Variants in MKLN1 observed in about 807,000 individuals in gnomAD.
MKLN1 encodes muskelin.
Under a neutral mutation model 99.0 loss-of-function variants are expected in MKLN1, and 18 were observed. That is an observed-to-expected ratio of 0.18 (90% CI 0.13 to 0.27). The LOEUF is 0.27. Ranked by LOEUF, MKLN1 falls within the 10% of genes least tolerant of loss-of-function variation. The pLI, the probability that MKLN1 is intolerant of heterozygous loss-of-function variation, is 1.00. For synonymous variants in MKLN1, 288 were observed against 293.2 expected, an observed-to-expected ratio of 0.98 and a Z score of 0.18; for missense variants, 621 against 875.9, an observed-to-expected ratio of 0.71 and a Z score of 3.67.
intron 1 of MKLN1, among the ~76,000 whole-genome samples, chr7:131,336,792 C>CT (rs932898098): frequency 5.3e-5 from 8 of 152,226 alleles, no homozygotes; most frequent in African/African-American, 1.9e-4. Flanking sequence ...AATCCAGAGA[C>CT]TGTTGTTTTG....
intron 9 of MKLN1, among the ~76,000 whole-genome samples, chr7:131,432,143 A>G (rs897499623): frequency 1.3e-5 from 2 of 152,188 alleles, no homozygotes; most frequent in African/African-American, 4.8e-5. Flanking sequence ...TTTAAAATGT[A>G]TGTATTTTAA....
chr7:131,304,738 C>G (rs1440310015), intron 3 of MKLN1, among the ~76,000 whole-genome samples: 2 of 152,098 alleles, frequency 1.3e-5, no homozygotes, highest in African/African-American at 4.8e-5. Flanking sequence ...TTGTTTTAAC[C>G]AATCACATAG....
intron 2 of MKLN1, among the ~76,000 whole-genome samples, chr7:131,161,044 A>G (rs962513100): frequency 6.6e-6 from 1 of 152,152 alleles, no homozygotes; most frequent in African/African-American, 2.4e-5. Flanking sequence ...CAGAACCCCC[A>G]CGGAGGCCAC....
intron 8 of MKLN1, among the ~76,000 whole-genome samples, chr7:131,426,760 A>AAAAAAAAAAAG: frequency 6.7e-6 from 1 of 149,856 alleles, no homozygotes; most frequent in Non-Finnish European, 1.5e-5. Context: ...TTTTCATGTA[A>AAAAAAAAAAAG]CTTTTTTTTT....
At chr7:131,448,097 G>A (rs71548781) in intron 12 of MKLN1, among the ~76,000 whole-genome samples, 50,799 of 151,900 alleles carry the variant, frequency 0.33, 9,078 homozygotes, top group East Asian at 0.48. Flanking sequence ...GCGTGGTGGC[G>A]GGCGCCTGTA....
chr7:131,330,431 T>C lies in MKLN1; in HGVS notation c.98+2434T>C, dbSNP rs201747166. On this transcript the variant is annotated intron_variant, in intron 1 of 17. Transcript: ENST00000352689. The stretch of plus-strand genomic sequence containing the variant: ...ATTTGCTAGGCTCTCTTATGAACAT[T>C]TTTAAGTGTATCAACTCATTTAATC... Among the ~76,000 whole-genome samples, 43 of 152,328 alleles carry C rather than the reference T, an allele frequency of 2.8e-4. No homozygotes were observed. The East Asian group carries it at 6.4e-3, about 23-fold the overall frequency.
intron 17 of MKLN1, among the ~76,000 whole-genome samples, chr7:131,479,622 C>T (rs1249676520): frequency 1.3e-5 from 2 of 150,748 alleles, no homozygotes; most frequent in East Asian, 2.0e-4. Context: ...GTCAGGAGAT[C>T]GAGACCATCC....
At chr7:131,475,207 A>T (rs1425630363) in intron 16 of MKLN1, among the ~76,000 whole-genome samples, 1 of 152,214 alleles carries the variant, frequency 6.6e-6, no homozygotes. Context: ...ATATATTAAA[A>T]GTAAAGTGGG....
chr7:131,400,818 A>T (rs1020061981), intron 6 of MKLN1, among the ~76,000 whole-genome samples: 1 of 152,084 alleles, frequency 6.6e-6, no homozygotes, highest in Non-Finnish European at 1.5e-5. Flanking sequence ...GACTTAACTT[A>T]TCCTTTGGCT....
intron 2 of MKLN1, among the ~76,000 whole-genome samples, chr7:131,386,637 A>G (rs1237597265): frequency 6.6e-6 from 1 of 152,214 alleles, no homozygotes; most frequent in Non-Finnish European, 1.5e-5. Flanking sequence ...TATCTAGAGT[A>G]GATTTGGGTT....
At chr7:131,334,588 A>G (rs1172197977) in intron 1 of MKLN1, among the ~76,000 whole-genome samples, 1 of 152,150 alleles carries the variant, frequency 6.6e-6, no homozygotes, top group Non-Finnish European at 1.5e-5. Flanking sequence ...TTTATGTACA[A>G]TTTTTTGGGC....
chr7:131,154,642 A>G (rs1795938311), intron 2 of MKLN1, among the ~76,000 whole-genome samples: 1 of 152,204 alleles, frequency 6.6e-6, no homozygotes. Flanking sequence ...ATATTATGAT[A>G]TGATATATGA....
At chr7:131,358,879 A>G (rs1224921222) in intron 1 of MKLN1, among the ~76,000 whole-genome samples, 1 of 151,958 alleles carries the variant, frequency 6.6e-6, no homozygotes, top group African/African-American at 2.4e-5. Context: ...TTCATTTCTA[A>G]TATTGGTAAT....
chr7:131,485,806 G>A (rs901360714), intron 17 of MKLN1, among the ~76,000 whole-genome samples: 1 of 152,002 alleles, frequency 6.6e-6, no homozygotes, highest in African/African-American at 2.4e-5. Flanking sequence ...TCAAAGAGAG[G>A]CTGAGGAACT....
chr7:131,422,609 A>G (rs1795239269), intron 8 of MKLN1, among the ~76,000 whole-genome samples: 1 of 152,214 alleles, frequency 6.6e-6, no homozygotes, highest in African/African-American at 2.4e-5. Flanking sequence ...CATAAAGTTA[A>G]TTTCAGCTTA....
chr7:131,291,101 TTTTATTTATTTATTTATTTA>T (rs58711955), intron 3 of MKLN1, among the ~76,000 whole-genome samples: 3 of 134,842 alleles, frequency 2.2e-5, no homozygotes, highest in Admixed American at 7.4e-5. Context: ...TCTCATTTTA[TTTTATTTATTTATTTATTTA>T]TTTATTTATT....
chr7:131,229,853 C>T (rs949396115), intron 3 of MKLN1, among the ~76,000 whole-genome samples: 14 of 152,148 alleles, frequency 9.2e-5, no homozygotes, highest in South Asian at 4.1e-4. Context: ...CACACTTAGG[C>T]GGTGAATCTC....
chr7:131,429,012 A>T, intron 8 of MKLN1, 21 bp from the exon 9 acceptor site: 2 of 1,592,998 alleles, frequency 1.3e-6, no homozygotes, highest in South Asian at 2.2e-5. Context: ...TTTTTTACAC[A>T]TATTTTTCTG....
At chr7:131,396,378 G>A (rs1794361347) in intron 4 of MKLN1, among the ~76,000 whole-genome samples, 1 of 152,054 alleles carries the variant, frequency 6.6e-6, no homozygotes, top group Non-Finnish European at 1.5e-5. Flanking sequence ...TGGCTCTCTT[G>A]AATTTTTTTA....
Sources: allele counts gnomAD v4.1 joint callset (sites outside exome capture counted in the v4.1 genomes callset), GRCh38; gene constraint gnomAD v4.1.1; transcripts MANE v1.5; gene names NCBI Gene and HGNC (gene_info 2026-07-23, HGNC 2026-07-21).